The following TMEM17 variants were observed in gnomAD, a reference collection of about 807,000 sequenced individuals.
The protein encoded by TMEM17 is transmembrane protein 17.
Under a neutral mutation model 19.1 loss-of-function variants are expected in TMEM17, and 15 were observed. That is an observed-to-expected ratio of 0.78 (90% CI 0.52 to 1.21). The LOEUF (loss-of-function observed/expected upper bound fraction) is 1.21. Among genes scored for constraint, TMEM17 ranks in the 50% most tolerant of loss-of-function variants. TMEM17 has a pLI of 0.00. For missense variants in TMEM17, 245 were observed against 242.3 expected, an observed-to-expected ratio of 1.01 and a Z score of -0.07; for synonymous variants, 103 against 86.9, an observed-to-expected ratio of 1.19 and a Z score of -1.03.
In TMEM17 at chr2:62,502,503, G is replaced by A; in HGVS notation, c.252C>T (p.Ile84=). The change falls in exon 3 of 4, where the codon ATC becomes ATT. Residue 84 remains isoleucine, a synonymous_variant. Transcript: ENST00000335390. ...TGGCTTCAATTAAGGTTATTAGGAT[G>A]ATAACAGTGATCACAATGAATTTGT... ...DYYKFIVITV[I]ILITLIEAIR... 3 of 1,613,004 alleles carry A rather than the reference G, an allele frequency of 1.9e-6. No individual in the cohort carries two copies. Among genetic ancestry groups the A allele is most frequent in the Non-Finnish European group, 2.5e-6 (3 of 1,179,192 alleles).
chr2:62,482,003 A>C, the TMEM17 span, among the ~76,000 whole-genome samples: 1 of 152,158 alleles, frequency 6.6e-6, no homozygotes, highest in African/African-American at 2.4e-5. Flanking sequence ...AACTAAACAC[A>C]CATTTAGCCT....
chr2:62,455,595 C>T, the TMEM17 span, among the ~76,000 whole-genome samples: 1 of 152,192 alleles, frequency 6.6e-6, no homozygotes, highest in African/African-American at 2.4e-5. Context: ...TGTGAAAACC[C>T]GTCTTTACTA....
chr2:62,474,662 A>T, the TMEM17 span, among the ~76,000 whole-genome samples: 1 of 152,102 alleles, frequency 6.6e-6, no homozygotes, highest in Non-Finnish European at 1.5e-5. Flanking sequence ...CATGGGAGAC[A>T]CAGCCCAGGG....
chr2:62,480,702 A>G, the TMEM17 span, among the ~76,000 whole-genome samples: 1 of 152,174 alleles, frequency 6.6e-6, no homozygotes, highest in Non-Finnish European at 1.5e-5. Context: ...CCTTCGTAAA[A>G]AAAAATCTAC....
At chr2:62,454,757 G>C in the TMEM17 span, among the ~76,000 whole-genome samples, 5 of 152,184 alleles carry the variant, frequency 3.3e-5, no homozygotes, top group South Asian at 2.1e-4. Flanking sequence ...AGGCTGGAGT[G>C]CAGTGGCACG....
chr2:62,479,508 A>G, the TMEM17 span, among the ~76,000 whole-genome samples: 1 of 152,128 alleles, frequency 6.6e-6, no homozygotes, highest in Non-Finnish European at 1.5e-5. Flanking sequence ...ATATCTTCAT[A>G]TCTTGGCTAT....
At position 62,506,170 on chromosome 2, in the gene TMEM17, A is replaced by AG. The variant is rs1273950397; in HGVS notation, c.-42dup. ...TCCCTCACCCCCTCAGACACGGGCT[A>AG]GTCTGCGGGCGCTCCGAGGCTCCGT... On this transcript the variant is annotated 5_prime_UTR_variant, in exon 1 of 4. Coordinates refer to ENST00000335390, the MANE Select transcript of TMEM17 (RefSeq NM_198276.3). The AG allele has an allele frequency of 6.6e-7, 1 of 1,525,812 alleles. No homozygotes were observed. The highest frequency in any genetic ancestry group is 8.8e-7 in the Non-Finnish European group (1 of 1,130,670). 94.5% of individuals were successfully genotyped at this position (1,525,812 alleles called of 1,614,324 possible).
the TMEM17 span, chr2:62,491,283 T>C: frequency 3.3e-5 from 5 of 151,996 alleles, no homozygotes; most frequent in African/African-American, 1.2e-4. Flanking sequence ...TATGCTAATC[T>C]GGTGTCCACA....
At chr2:62,461,053 C>T in the TMEM17 span, among the ~76,000 whole-genome samples, 16 of 152,160 alleles carry the variant, frequency 1.1e-4, no homozygotes, top group African/African-American at 3.6e-4. Flanking sequence ...CAGACTGGGA[C>T]CCAGAGCTAT....
the TMEM17 span, among the ~76,000 whole-genome samples, chr2:62,470,633 G>C: frequency 3.9e-5 from 6 of 152,322 alleles, no homozygotes; most frequent in East Asian, 1.2e-3. Context: ...GCCCACCACT[G>C]GGGGTGGGGT....
the TMEM17 span, among the ~76,000 whole-genome samples, chr2:62,493,027 G>A: frequency 4.0e-5 from 6 of 151,732 alleles, no homozygotes; most frequent in African/African-American, 1.2e-4. Context: ...AGAGTCCTTC[G>A]TTTGTTTGTT....
the TMEM17 span, among the ~76,000 whole-genome samples, chr2:62,473,149 A>C: frequency 6.6e-6 from 1 of 152,218 alleles, no homozygotes; most frequent in Non-Finnish European, 1.5e-5. Context: ...AATAGCCAAC[A>C]TTTATTATGC....
chr2:62,493,321 C>T, the TMEM17 span, among the ~76,000 whole-genome samples: 1 of 152,280 alleles, frequency 6.6e-6, no homozygotes. Context: ...AGCCACGATG[C>T]CCAGCCTGGA....
chr2:62,479,934 A>T, the TMEM17 span, among the ~76,000 whole-genome samples: 1 of 147,976 alleles, frequency 6.8e-6, no homozygotes, highest in Non-Finnish European at 1.5e-5. Context: ...CAGTAATGGG[A>T]TGGGATTGCT....
chr2:62,476,611 G>C, the TMEM17 span, among the ~76,000 whole-genome samples: 1 of 152,190 alleles, frequency 6.6e-6, no homozygotes, highest in African/African-American at 2.4e-5. Context: ...GGGACTATCT[G>C]TATGTATTTA....
At chr2:62,464,708 C>T in the TMEM17 span, among the ~76,000 whole-genome samples, 17 of 152,300 alleles carry the variant, frequency 1.1e-4, no homozygotes, top group East Asian at 3.1e-3. Flanking sequence ...TATTCAAATC[C>T]GTCTCCCGGA....
the TMEM17 span, among the ~76,000 whole-genome samples, chr2:62,455,621 G>A: frequency 6.6e-6 from 1 of 152,252 alleles, no homozygotes; most frequent in South Asian, 2.1e-4. Context: ...ACAAAAATTA[G>A]CTGGGTGTGG....
chr2:62,454,789 C>T, the TMEM17 span, among the ~76,000 whole-genome samples: 8 of 152,226 alleles, frequency 5.3e-5, no homozygotes, highest in South Asian at 2.1e-4. Context: ...CTGCAAGCTC[C>T]GCCTCCTGGG....
downstream of TMEM17, among the ~76,000 whole-genome samples, chr2:62,496,519 C>T (rs1411547525): frequency 6.6e-6 from 1 of 152,110 alleles, no homozygotes; most frequent in Non-Finnish European, 1.5e-5. Flanking sequence ...TAGGTAAATA[C>T]TTTTAATGTT....
Sources: gnomAD v4.1 joint callset for allele counts (sites outside exome capture counted in the v4.1 genomes callset) on GRCh38, gnomAD v4.1.1 for gene constraint, MANE v1.5 for transcripts, NCBI Gene and HGNC (gene_info 2026-07-23, HGNC 2026-07-21) for gene names.